Variants in TPRG1 observed in about 807,000 individuals in gnomAD.
TPRG1 encodes tumor protein p63 regulated 1, also known as tumor protein p63-regulated gene 1 protein.
In TPRG1, 29 loss-of-function variants were observed where a neutral mutation model predicts 29.3. That is an observed-to-expected ratio of 0.99 (90% CI 0.74 to 1.35). The LOEUF is 1.35. Among genes scored for constraint, TPRG1 ranks in the 40% most tolerant of loss-of-function variants. TPRG1 has a pLI of 0.00. For missense variants in TPRG1, 327 were observed against 335.0 expected, an observed-to-expected ratio of 0.98 and a Z score of 0.19; for synonymous variants, 130 against 116.8, an observed-to-expected ratio of 1.11 and a Z score of -0.73.
upstream of TPRG1, among the ~76,000 whole-genome samples, chr3:189,171,552 C>A (rs1175601956): frequency 6.6e-6 from 1 of 152,220 alleles, no homozygotes; most frequent in Non-Finnish European, 1.5e-5. Flanking sequence ...ATTGTGTGTA[C>A]ATGTGTTTGT....
chr3:189,203,683 C>T (rs1733846043), intron 1 of TPRG1, among the ~76,000 whole-genome samples: 2 of 152,130 alleles, frequency 1.3e-5, no homozygotes, highest in South Asian at 2.1e-4. Flanking sequence ...AATATTGTAG[C>T]ATTTTGCTTC....
chr3:189,038,720 A>G (rs2152133317), intron 4 of TPRG1, among the ~76,000 whole-genome samples: 1 of 152,082 alleles, frequency 6.6e-6, no homozygotes, highest in Non-Finnish European at 1.5e-5. Flanking sequence ...TACAACATTT[A>G]AAACTGACAA....
intron 1 of TPRG1, among the ~76,000 whole-genome samples, chr3:189,174,012 G>A (rs1729164731): frequency 6.6e-6 from 1 of 152,200 alleles, no homozygotes; most frequent in Non-Finnish European, 1.5e-5. Flanking sequence ...AGATGGGCAA[G>A]AGGTGGTGGC....
chr3:189,026,089 A>C (rs1713645922), intron 4 of TPRG1, among the ~76,000 whole-genome samples: 1 of 152,248 alleles, frequency 6.6e-6, no homozygotes, highest in Admixed American at 6.5e-5. Flanking sequence ...GAGCTGCCAC[A>C]ACAAAATGCC....
chr3:189,297,302 T>TA lies in TPRG1; in HGVS notation c.480-13083dup, dbSNP rs1720107114. Among the ~76,000 whole-genome samples the TA allele has an allele frequency of 2.0e-5, 3 of 152,180 alleles. No individual in the cohort carries two copies. In the South Asian group the frequency reaches 6.2e-4, roughly 32 times the overall value. ...GGCCACTGATAAACCCTCTTCTGCT[T>TA]AGATTCCTGTCTTGCAATCAGGTAA... is the stretch of plus-strand genomic sequence containing the variant. On this transcript the variant is annotated intron_variant, in intron 4 of 5. Coordinates refer to ENST00000345063, the MANE Select transcript of TPRG1 (RefSeq NM_198485.4).
chr3:189,287,292 G>A (rs905698152), intron 4 of TPRG1, among the ~76,000 whole-genome samples: 1 of 151,968 alleles, frequency 6.6e-6, no homozygotes, highest in Non-Finnish European at 1.5e-5. Flanking sequence ...AATGTTGCAC[G>A]GTCATCTCTA....
chr3:189,213,918 T>G (rs1049903026), intron 2 of TPRG1, among the ~76,000 whole-genome samples: 1 of 152,184 alleles, frequency 6.6e-6, no homozygotes, highest in Non-Finnish European at 1.5e-5. Flanking sequence ...TATATATCCC[T>G]AGTCCTTTAT....
chr3:189,030,864 T>C (rs999239089), intron 4 of TPRG1, among the ~76,000 whole-genome samples: 1 of 152,220 alleles, frequency 6.6e-6, no homozygotes, highest in Admixed American at 6.5e-5. Flanking sequence ...AGAAATGAGT[T>C]GTCATTTGTC....
intron 3 of TPRG1, among the ~76,000 whole-genome samples, chr3:189,008,885 A>T (rs188920863): frequency 6.6e-6 from 1 of 152,172 alleles, no homozygotes; most frequent in Non-Finnish European, 1.5e-5. Context: ...TTTAAGCATT[A>T]TTCTATAGTG....
At chr3:189,219,450 TC>T (rs1322315630) in intron 3 of TPRG1, 3 of 465,940 alleles carry the variant, frequency 6.4e-6, no homozygotes, top group Non-Finnish European at 1.0e-5. Context: ...GTTATATACA[TC>T]TATAAAGACA....
Position 189,238,112 on chromosome 3 carries a change from C to T in TPRG1, c.303-621C>T, listed in dbSNP as rs989093249. ...GCCAATTAATTCAGTAAACACTTAT[C>T]TAGTTTATCTACTTATCTACTTTAC... is the stretch of plus-strand genomic sequence containing the variant. On this transcript the variant is annotated intron_variant, in intron 3 of 5. Transcript: ENST00000345063. Among the ~76,000 whole-genome samples, 5 of 152,184 alleles carry T rather than the reference C, an allele frequency of 3.3e-5. No individual in the cohort carries two copies. The East Asian group carries it at 5.8e-4, about 18-fold the overall frequency.
chr3:189,277,655 TAGAA>T (rs1218088931), intron 4 of TPRG1, among the ~76,000 whole-genome samples: 2 of 152,238 alleles, frequency 1.3e-5, no homozygotes, highest in Admixed American at 6.5e-5. Context: ...ATTAATTAAT[TAGAA>T]AGATAATTGT....
chr3:189,071,061 GAAAAAGA>G (rs1716783899), intron 4 of TPRG1, among the ~76,000 whole-genome samples: 1 of 70,024 alleles, frequency 1.4e-5, no homozygotes, highest in African/African-American at 5.5e-5. Flanking sequence ...AAAAGCCAAA[GAAAAAGA>G]AAAAAAAAAA....
chr3:189,324,763 AAG>A lies in TPRG1; in HGVS notation c.*3951_*3952del, dbSNP rs1183289509. 3 of 152,210 alleles carry A rather than the reference AAG, an allele frequency of 2.0e-5. No homozygotes were observed. The highest frequency in any genetic ancestry group is 2.9e-5 in the Non-Finnish European group (2 of 68,068). The allele number at this position is 152,210 out of a possible 1,614,324, so 9.4% of individuals were successfully genotyped here. ...AAGATGACTTGTGCCAAGGGGAAGA[AAG>A]AGAGAGACTAATGCCTGTGGTTTTC... On this transcript the variant is annotated 3_prime_UTR_variant, in exon 6 of 6. Transcript: ENST00000345063.
chr3:189,001,873 A>G (rs972428643), intron 2 of TPRG1, among the ~76,000 whole-genome samples: 1 of 152,178 alleles, frequency 6.6e-6, no homozygotes, highest in Non-Finnish European at 1.5e-5. Context: ...AACAACAATA[A>G]TGCATTATAT....
rs1553897075 is a variant in TPRG1, at chr3:189,057,763, T to TAC, written c.-463+33825_-463+33826dup. ...GTATATATATACATATATATATATA[T>TAC]ACACACACATATACATATATGTATA... On this transcript the variant is annotated intron_variant, in intron 4 of 10. Transcript: ENST00000433971. Among the ~76,000 whole-genome samples the TAC allele has an allele frequency of 5.5e-5, 8 of 145,616 alleles. No individual in the cohort carries two copies. In the South Asian group the frequency reaches 1.5e-3, roughly 27 times the overall value.
Position 189,172,357 on chromosome 3 carries a change from A to G in TPRG1, c.-10+226A>G, listed in dbSNP as rs538307452. ...ATTTTTTAGCCTATAAAGCCACTTG[A>G]CATACTTATCTATATATTGATTTTG... On this transcript the variant is annotated intron_variant, in intron 1 of 5. Transcript: ENST00000345063. 3.3e-5 allele frequency among the ~76,000 whole-genome samples: 5 copies of G among 152,290 alleles called. No individual in the cohort carries two copies. In the East Asian group the frequency reaches 9.7e-4, roughly 29 times the overall value.
chr3:189,279,599 G>A (rs1265651082), intron 4 of TPRG1, among the ~76,000 whole-genome samples: 3 of 152,038 alleles, frequency 2.0e-5, no homozygotes, highest in Non-Finnish European at 2.9e-5. Context: ...GTTGTTGTGA[G>A]GATTAAATTA....
intron 4 of TPRG1, among the ~76,000 whole-genome samples, chr3:189,074,163 G>A (rs944136590): frequency 1.7e-5 from 2 of 114,992 alleles, no homozygotes; most frequent in Admixed American, 8.1e-5. Context: ...TCATGTTGGC[G>A]TTTGGAGTTT....
Sources: allele counts gnomAD v4.1 joint callset (sites outside exome capture counted in the v4.1 genomes callset), GRCh38; gene constraint gnomAD v4.1.1; transcripts MANE v1.5; gene names NCBI Gene and HGNC (gene_info 2026-07-23, HGNC 2026-07-21).